TCF12: variants seen among roughly 807,000 people sequenced by gnomAD.
TCF12 encodes the protein transcription factor 12.
TCF12 carries 45 observed loss-of-function variants against 86.0 expected under a neutral mutation model. The observed-to-expected ratio is 0.52, with a 90% confidence interval of 0.41 to 0.67. The LOEUF (loss-of-function observed/expected upper bound fraction) is 0.67, where lower values mean the gene tolerates loss of function less well. TCF12 is among the 30% of genes least tolerant of loss of function. The probability of loss-of-function intolerance (pLI) is 0.00; values close to 1 mark genes in which losing one functional copy is unlikely to be tolerated. For missense variants in TCF12, 881 were observed against 859.9 expected (o/e 1.02, Z -0.31); for synonymous variants, 330 against 299.6 (o/e 1.10, Z -1.05).
rs56700978 is a variant in TCF12, at chr15:57,269,360, C to CT, written c.1746-3639dup. Among the ~76,000 whole-genome samples, 82 of 32,002 alleles carry CT rather than the reference C, an allele frequency of 2.6e-3. 5 individuals carry two copies. The highest frequency in any genetic ancestry group is 3.7e-3 in the Non-Finnish European group (70 of 19,126). The allele number at this position is 32,002 out of a possible 152,430, so 21.0% of individuals were successfully genotyped here. ...CAGGATTGCAACCGCACAACCCCTG[C>CT]TTTTTTTTTTTTTTTTTTTTTTTTT... On this transcript the variant is annotated intron_variant, in intron 18 of 20. Coordinates refer to ENST00000333725, the MANE Select transcript of TCF12 (RefSeq NM_207037.2).
chr15:57,095,621 T>C (rs1339682297), intron 5 of TCF12, among the ~76,000 whole-genome samples: 1 of 152,200 alleles, frequency 6.6e-6, no homozygotes, highest in Non-Finnish European at 1.5e-5. Context: ...CTTAATTGTG[T>C]TCCTTTCTGA....
chr15:57,192,773 A>G (rs1258779622), intron 7 of TCF12, among the ~76,000 whole-genome samples: 1 of 152,236 alleles, frequency 6.6e-6, no homozygotes, highest in Non-Finnish European at 1.5e-5. Flanking sequence ...TAATACATCC[A>G]TTAAATATTT....
chr15:57,077,651 C>T (rs1269343580), intron 4 of TCF12, among the ~76,000 whole-genome samples: 4 of 149,722 alleles, frequency 2.7e-5, no homozygotes, highest in African/African-American at 7.3e-5. Context: ...AGGCTGGTCT[C>T]GAACTCCTGA....
intron 8 of TCF12, among the ~76,000 whole-genome samples, chr15:57,208,517 G>A (rs972874761): frequency 1.3e-5 from 2 of 148,972 alleles, no homozygotes; most frequent in African/African-American, 2.5e-5. Flanking sequence ...CGAGTAGCTG[G>A]AACTACAGGC....
At chr15:57,182,026 T>C (rs930632696) in intron 6 of TCF12, among the ~76,000 whole-genome samples, 2 of 152,312 alleles carry the variant, frequency 1.3e-5, no homozygotes, top group African/African-American at 4.8e-5. Flanking sequence ...ATTCATACTA[T>C]GTAATTTCAG....
intron 3 of TCF12, among the ~76,000 whole-genome samples, chr15:57,050,747 A>T (rs1489993095): frequency 6.6e-6 from 1 of 151,996 alleles, no homozygotes; most frequent in Non-Finnish European, 1.5e-5. Flanking sequence ...TTTTATATTG[A>T]TGTGTGTTCA....
At chr15:57,248,902 C>G (rs1243974056) in intron 13 of TCF12, among the ~76,000 whole-genome samples, 1 of 152,130 alleles carries the variant, frequency 6.6e-6, no homozygotes, top group Non-Finnish European at 1.5e-5. Flanking sequence ...CAAAAACAGC[C>G]TGTTTTGCAA....
chr15:57,136,150 A>C (rs2052503341), intron 5 of TCF12, among the ~76,000 whole-genome samples: 1 of 152,228 alleles, frequency 6.6e-6, no homozygotes, highest in African/African-American at 2.4e-5. Flanking sequence ...TTGATACATT[A>C]GGTAATGTGC....
At chr15:56,931,171 A>G in intron 3 of TCF12, among the ~76,000 whole-genome samples, 1 of 152,130 alleles carries the variant, frequency 6.6e-6, no homozygotes, top group East Asian at 1.9e-4. Context: ...ATACAGAAAA[A>G]AAAATTGTGG....
intron 3 of TCF12, among the ~76,000 whole-genome samples, chr15:56,945,534 A>AC (rs1487284301): frequency 2.0e-5 from 3 of 150,444 alleles, no homozygotes; most frequent in Non-Finnish European, 4.4e-5. Flanking sequence ...TTCTAGATTG[A>AC]CCTTTTTTTT....
chr15:57,276,185 A>G (rs1401044163), intron 19 of TCF12, among the ~76,000 whole-genome samples: 2 of 152,216 alleles, frequency 1.3e-5, no homozygotes, highest in African/African-American at 4.8e-5. Context: ...CCTGTTCTAC[A>G]AGTGAGTTTG....
chr15:57,267,210 G>A (rs921493270), intron 18 of TCF12, among the ~76,000 whole-genome samples: 1 of 152,188 alleles, frequency 6.6e-6, no homozygotes, highest in Admixed American at 6.5e-5. Context: ...AAAACTAAAA[G>A]AAGCAGAATG....
intron 3 of TCF12, among the ~76,000 whole-genome samples, chr15:56,981,964 A>T (rs139570560): frequency 0.01 from 1,580 of 152,224 alleles, 12 homozygotes; most frequent in Non-Finnish European, 0.018. Context: ...ATAGAATGGG[A>T]GGCAGGATAG....
intron 7 of TCF12, 148 bp downstream of exon 7, chr15:57,192,441 T>A: frequency 8.6e-7 from 1 of 1,165,368 alleles, no homozygotes; most frequent in South Asian, 1.7e-5. Flanking sequence ...CATGCAGGAA[T>A]GCAACAGCAC....
chr15:56,938,045 C>CT (rs370916527), intron 3 of TCF12, among the ~76,000 whole-genome samples: 8,848 of 30,756 alleles, frequency 0.29, 1,957 homozygotes, highest in East Asian at 0.42. Context: ...CGTTTCTTTT[C>CT]TTTTTTTTTT....
chr15:56,946,000 G>A (rs938066504), intron 3 of TCF12, among the ~76,000 whole-genome samples: 1 of 152,006 alleles, frequency 6.6e-6, no homozygotes, highest in African/African-American at 2.4e-5. Flanking sequence ...CCTTAATGTT[G>A]GACTTCCACC....
intron 3 of TCF12, among the ~76,000 whole-genome samples, chr15:56,968,122 A>G (rs959880555): frequency 5.9e-5 from 9 of 151,986 alleles, no homozygotes; most frequent in East Asian, 5.8e-4. Flanking sequence ...ACGCCTGGCT[A>G]ATTTTTGTAT....
In TCF12 at chr15:57,284,946, G is replaced by T. The variant is rs561598306; in HGVS notation, c.*12-1211G>T. 1.2e-4 allele frequency among the ~76,000 whole-genome samples: 18 copies of T among 152,260 alleles called. 1 individual carries two copies. The South Asian group carries it at 3.7e-3, about 32-fold the overall frequency. On this transcript the variant is annotated intron_variant, in intron 20 of 20. Coordinates refer to ENST00000333725, the MANE Select transcript of TCF12 (RefSeq NM_207037.2). ...TGGGCATTCCCACCTATCAAAAAAGGATCAAGAATTCTTTTAAGTTTAAAA... is the reference window on the plus strand; with the variant it reads ...TGGGCATTCCCACCTATCAAAAAAGTATCAAGAATTCTTTTAAGTTTAAAA...
intron 3 of TCF12, among the ~76,000 whole-genome samples, chr15:57,001,973 C>G (rs2064066635): frequency 6.6e-6 from 1 of 152,176 alleles, no homozygotes. Context: ...ATGAAACTTT[C>G]TAGAAAGAGA....
Sources: allele counts gnomAD v4.1 joint callset (sites outside exome capture counted in the v4.1 genomes callset), GRCh38; gene constraint gnomAD v4.1.1; transcripts MANE v1.5; gene names NCBI Gene and HGNC (gene_info 2026-07-23, HGNC 2026-07-21).